HAUS6: variants seen among roughly 807,000 people sequenced by gnomAD.
HAUS6 encodes HAUS augmin like complex subunit 6.
In HAUS6, 80 loss-of-function variants were observed where a neutral mutation model predicts 106.8. The ratio of observed to expected loss-of-function variants is 0.75; its 90% CI spans 0.63 to 0.90. The LOEUF is 0.90. Ranked by LOEUF, HAUS6 falls within the 40% of genes least tolerant of loss-of-function variation. The pLI is 0.00. For synonymous variants in HAUS6, 356 were observed against 379.1 expected (o/e 0.94, Z 0.71); for missense variants, 1,155 against 1,118.1 (o/e 1.03, Z -0.47).
At chr9:19,071,024 G>T (rs565568708) in intron 11 of HAUS6, among the ~76,000 whole-genome samples, 10 of 152,296 alleles carry the variant, frequency 6.6e-5, no homozygotes, top group Admixed American at 2.0e-4. Context: ...GATTACAGAA[G>T]ATCTGATATT....
At chr9:19,067,758 G>A (rs544353760) in intron 12 of HAUS6, among the ~76,000 whole-genome samples, 14 of 152,062 alleles carry the variant, frequency 9.2e-5, no homozygotes, top group South Asian at 4.2e-4. Context: ...GTGCAACCTC[G>A]GCTCGCCGCA....
intron 15 of HAUS6, among the ~76,000 whole-genome samples, chr9:19,059,375 A>T (rs189255661): frequency 6.9e-4 from 105 of 152,330 alleles, no homozygotes; most frequent in Middle Eastern, 3.4e-3. Context: ...TCTGTCAACT[A>T]CTTAACTCTG....
chr9:19,071,451 A>G (rs1425838437), intron 11 of HAUS6, among the ~76,000 whole-genome samples: 2 of 152,232 alleles, frequency 1.3e-5, no homozygotes, highest in Non-Finnish European at 2.9e-5. Context: ...ATAAGTTTCT[A>G]AACTGAAGAT....
intron 15 of HAUS6, 50 bp from the exon 16 acceptor site, chr9:19,059,051 G>T: frequency 1.0e-6 from 1 of 963,000 alleles, no homozygotes; most frequent in Non-Finnish European, 1.6e-6. Flanking sequence ...CAAACATAGA[G>T]CATGCAATGA....
In HAUS6 at chr9:19,053,143, T is replaced by G. The variant is rs13440414; in HGVS notation, c.*3200A>C. 77 of 152,262 alleles carry G rather than the reference T, an allele frequency of 5.1e-4. No homozygotes were observed. Among genetic ancestry groups the G allele is most frequent in the African/African-American group, 1.8e-3 (74 of 41,570 alleles). 9.4% of individuals were successfully genotyped at this position (152,262 alleles called of 1,614,324 possible). A position where few individuals can be genotyped will look rare whatever the true frequency, so the allele number is the denominator to read the frequency against. On this transcript the variant is annotated 3_prime_UTR_variant, in exon 17 of 17. Coordinates refer to ENST00000380502, the MANE Select transcript of HAUS6 (RefSeq NM_017645.5). ...TTATATAGGAAATTCCAGAGCCAGA[T>G]AGTATAAAATATTTATTGAAAACAA...
rs1836478822 is a variant in HAUS6, at chr9:19,056,654, G to A, written c.2807-250C>T. ...CTTGCTCTGTCACCCAGGCTGGAGTGCAGTGGCACGATCGCAGCTCACTTC... is the reference window on the plus strand; with the variant it reads ...CTTGCTCTGTCACCCAGGCTGGAGTACAGTGGCACGATCGCAGCTCACTTC... On this transcript the variant is annotated intron_variant, in intron 16 of 16. Coordinates refer to ENST00000380502, the MANE Select transcript of HAUS6 (RefSeq NM_017645.5). 1.1e-5 allele frequency: 4 copies of A among 354,588 alleles called. No individual in the cohort carries two copies. In the Admixed American group the frequency reaches 1.3e-4, roughly 11 times the overall value. The allele number at this position is 354,588 out of a possible 1,614,324, so 22.0% of individuals were successfully genotyped here.
At chr9:19,080,815 C>T in intron 8 of HAUS6, 143 bp from the exon 9 acceptor site, 1 of 587,960 alleles carries the variant, frequency 1.7e-6, no homozygotes, top group South Asian at 2.2e-5. Context: ...CACCTGTAAT[C>T]CCAGCACTCT....
intron 1 of HAUS6, among the ~76,000 whole-genome samples, chr9:19,099,113 T>C (rs571569867): frequency 2.9e-4 from 43 of 149,650 alleles, no homozygotes; most frequent in African/African-American, 8.5e-4. Context: ...AGAGAACGTA[T>C]ACGTATAAAA....
At chr9:19,094,526 T>C in intron 2 of HAUS6, 131 bp from the exon 3 acceptor site, 1 of 608,704 alleles carries the variant, frequency 1.6e-6, no homozygotes. Flanking sequence ...GCGCGGTGGC[T>C]CACACTTTTA....
At chr9:19,089,272 A>G (rs946670413) in intron 5 of HAUS6, 140 bp downstream of exon 5, 21 of 603,320 alleles carry the variant, frequency 3.5e-5, no homozygotes, top group Non-Finnish European at 4.6e-5. Context: ...AAAAAAAAGA[A>G]GAAGAAGTTA....
chr9:19,084,928 T>TC (rs948011241), intron 7 of HAUS6, among the ~76,000 whole-genome samples: 30 of 151,664 alleles, frequency 2.0e-4, no homozygotes, highest in African/African-American at 7.3e-4. Context: ...TACCCCCGCC[T>TC]CTTTTTTTTT....
chr9:19,080,191 A>C (rs1174002765), intron 9 of HAUS6, among the ~76,000 whole-genome samples: 2 of 151,358 alleles, frequency 1.3e-5, no homozygotes, highest in African/African-American at 2.4e-5. Context: ...AAAAAAAAAA[A>C]AAAAAAAACT....
intron 1 of HAUS6, among the ~76,000 whole-genome samples, chr9:19,097,035 A>T (rs529073217): frequency 1.3e-5 from 2 of 152,280 alleles, no homozygotes; most frequent in East Asian, 3.9e-4. Context: ...AGGAAGGAAA[A>T]CCTATTTCAA....
chr9:19,072,556 G>A (rs1588607663), intron 11 of HAUS6, among the ~76,000 whole-genome samples: 1 of 149,182 alleles, frequency 6.7e-6, no homozygotes, highest in Admixed American at 6.7e-5. Flanking sequence ...TAGACCAAGA[G>A]CAAACAGCCT....
chr9:19,094,901 G>T (rs1453334144), intron 2 of HAUS6, among the ~76,000 whole-genome samples: 1 of 152,084 alleles, frequency 6.6e-6, no homozygotes, highest in Non-Finnish European at 1.5e-5. Flanking sequence ...ATAGGGTTGA[G>T]TTCTGTGTCA....
At position 19,053,883 on chromosome 9, in the gene HAUS6, C is replaced by A. The variant is rs1275210486; in HGVS notation, c.*2460G>T. Reference sequence around the variant, plus strand: ...AATACATACTCCCAACACACATTTACATAGGTGTATATGTATTTATGCATG... The same window carrying A: ...AATACATACTCCCAACACACATTTAAATAGGTGTATATGTATTTATGCATG... On this transcript the variant is annotated 3_prime_UTR_variant, in exon 17 of 17. Coordinates refer to ENST00000380502, the MANE Select transcript of HAUS6 (RefSeq NM_017645.5). The A allele has an allele frequency of 6.6e-6, 1 of 152,084 alleles. No homozygotes were observed. The highest frequency in any genetic ancestry group is 1.9e-4 in the East Asian group (1 of 5,172). The allele number at this position is 152,084 out of a possible 1,614,324, so 9.4% of individuals were successfully genotyped here.
In HAUS6 at chr9:19,056,175, C is replaced by T. The variant is rs1348529514; in HGVS notation, c.*168G>A. 1 of 507,164 alleles carries T rather than the reference C, an allele frequency of 2.0e-6. No homozygotes were observed. Among genetic ancestry groups the T allele is most frequent in the Non-Finnish European group, 3.5e-6 (1 of 285,114 alleles). 31.4% of individuals were successfully genotyped at this position (507,164 alleles called of 1,614,324 possible). On this transcript the variant is annotated 3_prime_UTR_variant, in exon 17 of 17. Coordinates refer to ENST00000380502, the MANE Select transcript of HAUS6 (RefSeq NM_017645.5). ...ACAAAGAGGAAAAAATCCAAACATA[C>T]TTTCCTTACCTAAAAATATTAAAGA... is the stretch of plus-strand genomic sequence containing the variant.
At chr9:19,091,263 G>A (rs1311028120) in intron 4 of HAUS6, among the ~76,000 whole-genome samples, 1 of 150,928 alleles carries the variant, frequency 6.6e-6, no homozygotes, top group South Asian at 2.1e-4. Context: ...TCGCGCCACC[G>A]CACTCCAGCT....
intron 11 of HAUS6, chr9:19,073,872 A>C (rs1430808229): frequency 6.6e-6 from 1 of 152,168 alleles, no homozygotes; most frequent in Non-Finnish European, 1.5e-5. Context: ...ATATATTAAA[A>C]TTGGAACAAT....
Sources: allele counts gnomAD v4.1 joint callset (sites outside exome capture counted in the v4.1 genomes callset), GRCh38; gene constraint gnomAD v4.1.1; transcripts MANE v1.5; gene names NCBI Gene and HGNC (gene_info 2026-07-23, HGNC 2026-07-21).